Variants in SPAG16 observed in about 807,000 individuals in gnomAD.
SPAG16 encodes the protein sperm associated antigen 16.
In SPAG16, 86 loss-of-function variants were observed where a neutral mutation model predicts 80.4. The ratio of observed to expected loss-of-function variants is 1.07; its 90% CI spans 0.90 to 1.28. The LOEUF is 1.28. Ranked by LOEUF, SPAG16 falls within the 50% of genes most tolerant of loss-of-function variation. The pLI, the probability that SPAG16 is intolerant of heterozygous loss-of-function variation, is 0.00. For missense variants in SPAG16, 870 were observed against 765.3 expected (o/e 1.14, Z -1.61); for synonymous variants, 294 against 265.9 (o/e 1.11, Z -1.03).
chr2:213,768,450 A>C (rs970280626), intron 10 of SPAG16, among the ~76,000 whole-genome samples: 1 of 152,216 alleles, frequency 6.6e-6, no homozygotes, highest in Admixed American at 6.5e-5. Context: ...TAGAGTTCTA[A>C]CTTAGACTAG....
At chr2:213,363,671 T>C (rs2066120540) in intron 7 of SPAG16, among the ~76,000 whole-genome samples, 1 of 152,074 alleles carries the variant, frequency 6.6e-6, no homozygotes, top group Non-Finnish European at 1.5e-5. Context: ...AACAACCTCT[T>C]CATATTTTAC....
intron 5 of SPAG16, among the ~76,000 whole-genome samples, chr2:213,337,436 A>G (rs1353998209): frequency 6.6e-6 from 1 of 152,188 alleles, no homozygotes; most frequent in African/African-American, 2.4e-5. Context: ...GAGCTAAAGA[A>G]TTATGTTCTA....
chr2:214,228,097 A>G (rs1490290633), intron 15 of SPAG16, among the ~76,000 whole-genome samples: 1 of 152,004 alleles, frequency 6.6e-6, no homozygotes, highest in Non-Finnish European at 1.5e-5. Flanking sequence ...TGCTGCAAGC[A>G]TGCATTCCAA....
chr2:214,209,037 T>G (rs1350718169), intron 15 of SPAG16, among the ~76,000 whole-genome samples: 1 of 152,156 alleles, frequency 6.6e-6, no homozygotes, highest in East Asian at 1.9e-4. Context: ...TCATTATTTT[T>G]TCTGGCTGCT....
At chr2:214,370,087 T>C (rs1699717326) in intron 15 of SPAG16, among the ~76,000 whole-genome samples, 1 of 152,140 alleles carries the variant, frequency 6.6e-6, no homozygotes, top group African/African-American at 2.4e-5. Context: ...AACCTCTCTT[T>C]TAACTATCTT....
intron 15 of SPAG16, among the ~76,000 whole-genome samples, chr2:214,196,975 T>C (rs2057858408): frequency 1.3e-5 from 2 of 151,992 alleles, no homozygotes; most frequent in African/African-American, 4.8e-5. Flanking sequence ...GATGCCAGCT[T>C]CTTATGATAA....
At chr2:213,719,626 T>G (rs1010120687) in intron 10 of SPAG16, among the ~76,000 whole-genome samples, 1 of 152,148 alleles carries the variant, frequency 6.6e-6, no homozygotes, top group Non-Finnish European at 1.5e-5. Flanking sequence ...CACCCACCAA[T>G]TCTGGACACA....
chr2:213,561,827 A>C (rs183034227), intron 10 of SPAG16, among the ~76,000 whole-genome samples: 16 of 152,256 alleles, frequency 1.1e-4, no homozygotes, highest in African/African-American at 2.4e-4. Flanking sequence ...TTATCACATT[A>C]TGTCTTGAAT....
chr2:213,665,593 C>T (rs1462066093), intron 10 of SPAG16, among the ~76,000 whole-genome samples: 1 of 152,044 alleles, frequency 6.6e-6, no homozygotes, highest in Non-Finnish European at 1.5e-5. Context: ...AATACTGAAC[C>T]ATTGCTTCTA....
intron 14 of SPAG16, among the ~76,000 whole-genome samples, chr2:214,111,098 G>A (rs889489043): frequency 6.6e-6 from 1 of 152,020 alleles, no homozygotes; most frequent in Admixed American, 6.6e-5. Context: ...CACTCTGATG[G>A]TAGTTTCTTT....
chr2:213,436,980 C>T (rs192582273), intron 9 of SPAG16, among the ~76,000 whole-genome samples: 3 of 151,890 alleles, frequency 2.0e-5, no homozygotes, highest in Non-Finnish European at 2.9e-5. Flanking sequence ...GGCATGATCT[C>T]GGTTCACTGC....
chr2:214,409,696 TA>T (rs1488215072), intron 15 of SPAG16, among the ~76,000 whole-genome samples: 1 of 152,214 alleles, frequency 6.6e-6, no homozygotes, highest in Non-Finnish European at 1.5e-5. Context: ...ATGATTAGCA[TA>T]ATTATTATAA....
chr2:213,381,946 G>A (rs2067197140), intron 9 of SPAG16, among the ~76,000 whole-genome samples: 1 of 152,176 alleles, frequency 6.6e-6, no homozygotes, highest in Admixed American at 6.5e-5. Context: ...ATTCATCACT[G>A]TCTTTCAGCG....
intron 10 of SPAG16, among the ~76,000 whole-genome samples, chr2:213,685,581 A>G (rs1025012911): frequency 3.3e-5 from 5 of 152,184 alleles, no homozygotes; most frequent in Non-Finnish European, 7.3e-5. Flanking sequence ...GGAATGTAAT[A>G]CAGGGACTGA....
At chr2:213,508,488 C>T (rs1347758795) in intron 10 of SPAG16, among the ~76,000 whole-genome samples, 4 of 152,064 alleles carry the variant, frequency 2.6e-5, no homozygotes, top group African/African-American at 4.8e-5. Context: ...AGGAGAATGG[C>T]GTGAACCCGG....
At chr2:213,692,027 A>G (rs986458342) in intron 10 of SPAG16, among the ~76,000 whole-genome samples, 2 of 152,220 alleles carry the variant, frequency 1.3e-5, no homozygotes, top group African/African-American at 4.8e-5. Flanking sequence ...ACAAATATCT[A>G]TGGAACACAA....
intron 10 of SPAG16, among the ~76,000 whole-genome samples, chr2:213,643,716 G>A (rs1479146504): frequency 8.1e-6 from 1 of 123,194 alleles, no homozygotes; most frequent in Non-Finnish European, 1.7e-5. Context: ...TTTATCTTTT[G>A]TGTCTTACGA....
At chr2:213,806,995 GT>G (rs1211612032) in intron 10 of SPAG16, among the ~76,000 whole-genome samples, 1 of 152,012 alleles carries the variant, frequency 6.6e-6, no homozygotes, top group Admixed American at 6.6e-5. Flanking sequence ...TTTTTGTTGT[GT>G]TGTTTTGTTC....
intron 11 of SPAG16, among the ~76,000 whole-genome samples, chr2:213,899,901 C>A (rs1336970978): frequency 6.6e-6 from 1 of 152,060 alleles, no homozygotes; most frequent in African/African-American, 2.4e-5. Flanking sequence ...TACTTAGAAC[C>A]TTCACAAGTT....
Sources: gnomAD v4.1 joint callset for allele counts (sites outside exome capture counted in the v4.1 genomes callset) on GRCh38, gnomAD v4.1.1 for gene constraint, MANE v1.5 for transcripts, NCBI Gene and HGNC (gene_info 2026-07-23, HGNC 2026-07-21) for gene names.